The following SLC25A36 variants were observed in gnomAD, a reference collection of about 807,000 sequenced individuals.
SLC25A36 encodes solute carrier family 25 member 36, also known as epididymis secretory sperm binding protein.
Under a neutral mutation model 35.3 loss-of-function variants are expected in SLC25A36, and 24 were observed. The ratio of observed to expected loss-of-function variants is 0.68; its 90% confidence interval spans 0.49 to 0.96. The LOEUF (loss-of-function observed/expected upper bound fraction) is 0.96, where lower values mean the gene tolerates loss of function less well. Ranked by LOEUF, SLC25A36 falls within the 40% of genes least tolerant of loss-of-function variation. The pLI is 0.00. For missense variants in SLC25A36, 294 were observed against 381.1 expected, an observed-to-expected ratio of 0.77 and a Z score of 1.90; for synonymous variants, 141 against 132.2, an observed-to-expected ratio of 1.07 and a Z score of -0.46.
At chr3:140,966,996 G>T (rs1219517840) in intron 4 of SLC25A36, 1 of 456,148 alleles carries the variant, frequency 2.2e-6, no homozygotes, top group South Asian at 1.5e-5. Context: ...CTCCCCATCC[G>T]CAGGTCACTT....
At position 140,946,163 on chromosome 3, in the gene SLC25A36, G is replaced by A. The variant is rs138405819; in HGVS notation, c.41+4068G>A. On this transcript the variant is annotated intron_variant, in intron 1 of 6. Coordinates refer to ENST00000324194, the MANE Select transcript of SLC25A36 (RefSeq NM_001104647.3). The stretch of plus-strand genomic sequence containing the variant: ...TAGTAATTGTTATCATTAACTAGAA[G>A]GCATTAAGTGCTGTGGGAAAAAAAA... Among the ~76,000 whole-genome samples the A allele has an allele frequency of 5.6e-4, 85 of 152,216 alleles. 1 individual carries two copies. In the East Asian group the frequency reaches 0.015, roughly 27 times the overall value.
In SLC25A36 at chr3:140,963,197, C is replaced by G; in HGVS notation, c.355C>G (p.Gln119Glu). The G allele has an allele frequency of 6.3e-7, 1 of 1,590,472 alleles. No homozygotes were observed. The highest frequency in any genetic ancestry group is 8.5e-7 in the Non-Finnish European group (1 of 1,173,618). The stretch of plus-strand genomic sequence containing the variant: ...TGATGTATTTGATCCTGATTCTACC[C>G]AAGTACATATGATTTCAGCTGCAAT... ...LNDVFDPDST[Q>E]VHMISAAMAG... The change falls in exon 4 of 7, where the codon CAA becomes GAA. Residue 119 changes from glutamine to glutamate, a missense_variant. By Grantham distance (29) the Gln-to-Glu change is conservative. Coordinates refer to ENST00000324194, the MANE Select transcript of SLC25A36 (RefSeq NM_001104647.3).
chr3:140,954,149 AT>A (rs894627095), intron 1 of SLC25A36, among the ~76,000 whole-genome samples: 6 of 152,074 alleles, frequency 3.9e-5, no homozygotes, highest in Non-Finnish European at 7.4e-5. Context: ...GAGGGGGATA[AT>A]TTTTTTAACG....
At chr3:140,946,851 G>A (rs974402020) in intron 1 of SLC25A36, among the ~76,000 whole-genome samples, 2 of 152,186 alleles carry the variant, frequency 1.3e-5, no homozygotes, top group African/African-American at 2.4e-5. Flanking sequence ...CTAGCCTGGA[G>A]TCCAGGAAAG....
rs1935053779 is a variant in SLC25A36 at position 140,976,597 on chromosome 3, A to G, written c.*144A>G. On this transcript the variant is annotated 3_prime_UTR_variant, in exon 7 of 7. Coordinates refer to ENST00000324194, the MANE Select transcript of SLC25A36 (RefSeq NM_001104647.3). Reference sequence around the variant, plus strand: ...AAGTGGAAGTTTTGTTGTAGGAATTATAGTAATCACACCACATTACTTGGC... The same window carrying G: ...AAGTGGAAGTTTTGTTGTAGGAATTGTAGTAATCACACCACATTACTTGGC... 3.5e-6 allele frequency: 2 copies of G among 570,634 alleles called. No individual in the cohort carries two copies. Among genetic ancestry groups the G allele is most frequent in the South Asian group, 3.9e-5 (1 of 25,326 alleles). 35.3% of individuals were successfully genotyped at this position (570,634 alleles called of 1,614,324 possible). A position where few individuals can be genotyped will look rare whatever the true frequency, so the allele number is the denominator to read the frequency against.
At chr3:140,975,333 C>G (rs1159197263) in intron 6 of SLC25A36, among the ~76,000 whole-genome samples, 1 of 151,806 alleles carries the variant, frequency 6.6e-6, no homozygotes, top group African/African-American at 2.4e-5. Flanking sequence ...GTCTCAAACT[C>G]TGGGCTCAAG....
chr3:140,955,782 C>T (rs1243865038), intron 1 of SLC25A36, among the ~76,000 whole-genome samples: 1 of 152,124 alleles, frequency 6.6e-6, no homozygotes, highest in East Asian at 1.9e-4. Context: ...GCCCTGAACT[C>T]CTATGCTCAC....
At chr3:140,951,493 A>T (rs1319703695) in intron 1 of SLC25A36, among the ~76,000 whole-genome samples, 1 of 151,918 alleles carries the variant, frequency 6.6e-6, no homozygotes, top group Non-Finnish European at 1.5e-5. Context: ...TTATTTATTT[A>T]TTTTTTGAGA....
chr3:140,976,017 CTT>C (rs1935034432), intron 6 of SLC25A36, among the ~76,000 whole-genome samples: 1 of 152,082 alleles, frequency 6.6e-6, no homozygotes, highest in Non-Finnish European at 1.5e-5. Flanking sequence ...ATACTTCTCT[CTT>C]GTTATATTGT....
chr3:140,967,051 G>C, intron 4 of SLC25A36: 1 of 456,026 alleles, frequency 2.2e-6, no homozygotes, highest in Non-Finnish European at 4.4e-6. Flanking sequence ...GTACTGATCT[G>C]AGCATCTCTT....
chr3:140,966,332 G>GT (rs1365931853), intron 4 of SLC25A36: 1 of 328,026 alleles, frequency 3.0e-6, no homozygotes, highest in South Asian at 2.5e-5. Context: ...CATTCTTCCT[G>GT]TTTTTTGTTT....
intron 5 of SLC25A36, among the ~76,000 whole-genome samples, chr3:140,973,457 A>G (rs1934957682): frequency 6.6e-6 from 1 of 152,182 alleles, no homozygotes; most frequent in Admixed American, 6.6e-5. Flanking sequence ...CTGCCATGTG[A>G]ACCCCAATGA....
rs3830548 is a variant in SLC25A36, at chr3:140,980,710, A to AATAT, written c.*4263_*4266dup. On this transcript the variant is annotated 3_prime_UTR_variant, in exon 7 of 7. Coordinates refer to ENST00000324194, the MANE Select transcript of SLC25A36 (RefSeq NM_001104647.3). ...GTTCCCCCTGCCCCCCCCCCCTTTT[A>AATAT]ATATATATACACGGAGCTTCACTCT... Among the ~76,000 whole-genome samples the AATAT allele has an allele frequency of 1.5e-3, 179 of 120,284 alleles. 4 individuals carry two copies. Among genetic ancestry groups the AATAT allele is most frequent in the Middle Eastern group, 7.2e-3 (2 of 276 alleles). 78.9% of individuals were successfully genotyped at this position (120,284 alleles called of 152,430 possible).
rs1935073025 is a variant in SLC25A36, at chr3:140,977,290, G to C, written c.*837G>C. On this transcript the variant is annotated 3_prime_UTR_variant, in exon 7 of 7. Coordinates refer to ENST00000324194, the MANE Select transcript of SLC25A36 (RefSeq NM_001104647.3). ...CATACTTAAGTATCATTTACATAAA[G>C]TGTAAAAGATTTTTTCACTTTTGAA... 1 of 152,052 alleles carries C rather than the reference G, an allele frequency of 6.6e-6. No individual in the cohort carries two copies. Among genetic ancestry groups the C allele is most frequent in the Non-Finnish European group, 1.5e-5 (1 of 68,006 alleles). The allele number at this position is 152,052 out of a possible 1,614,324, so 9.4% of individuals were successfully genotyped here.
chr3:140,963,200 G>A lies in SLC25A36; in HGVS notation c.358G>A (p.Val120Ile), dbSNP rs747823228. ...NDVFDPDSTQ[V>I]HMISAAMAGF... The stretch of plus-strand genomic sequence containing the variant: ...TGTATTTGATCCTGATTCTACCCAA[G>A]TACATATGATTTCAGCTGCAATGGC... Residue 120 changes from valine to isoleucine, a missense_variant, in exon 4 of 7, where the codon GTA becomes ATA. Val to Ile is a conservative substitution (Grantham distance 29). Coordinates refer to ENST00000324194, the MANE Select transcript of SLC25A36 (RefSeq NM_001104647.3). The A allele has an allele frequency of 1.3e-6, 2 of 1,586,786 alleles. No individual in the cohort carries two copies. The highest frequency in any genetic ancestry group is 2.3e-5 in the South Asian group (2 of 85,942).
intron 1 of SLC25A36, among the ~76,000 whole-genome samples, chr3:140,950,918 CTGTGTGTG>C (rs373375551): frequency 6.6e-5 from 9 of 136,376 alleles, no homozygotes; most frequent in Admixed American, 6.0e-4. Flanking sequence ...GTCTGTGTGT[CTGTGTGTG>C]TGTGTGTGTG....
intron 4 of SLC25A36, chr3:140,966,083 G>A (rs1934750866): frequency 1.3e-5 from 2 of 151,928 alleles, no homozygotes; most frequent in African/African-American, 4.8e-5. Flanking sequence ...TACTAATAAT[G>A]TAATCATTGA....
Position 140,976,430 on chromosome 3 carries a change from G to A in SLC25A36, c.913G>A (p.Val305Met). 8 of 1,612,706 alleles carry A rather than the reference G, an allele frequency of 5.0e-6. No homozygotes were observed. Among genetic ancestry groups the A allele is most frequent in the Non-Finnish European group, 6.8e-6 (8 of 1,179,570 alleles). ...TAIMMATYEL[V>M]VYLLNG The stretch of plus-strand genomic sequence containing the variant: ...CATTATGATGGCCACCTATGAATTG[G>A]TGGTTTACCTACTCAATGGATAGCA... The change falls in exon 7 of 7, where the codon GTG (valine) becomes ATG (methionine). Residue 305 changes from valine to methionine, a missense_variant. Physicochemically the swap from Val to Met is conservative, Grantham distance 21. Around this residue, in one of 2 missense-constraint regions of SLC25A36, gnomAD observed 109 missense variants for 179.7 expected, o/e 0.61. Transcript: ENST00000324194.
intron 5 of SLC25A36, among the ~76,000 whole-genome samples, chr3:140,972,511 C>T (rs1559817261): frequency 6.6e-6 from 1 of 151,678 alleles, no homozygotes; most frequent in Non-Finnish European, 1.5e-5. Flanking sequence ...AAATGCATGC[C>T]TATAATCCTA....
Sources: allele counts gnomAD v4.1 joint callset (sites outside exome capture counted in the v4.1 genomes callset), GRCh38; gene constraint gnomAD v4.1.1; regional missense constraint gnomAD v4.1.1; transcripts MANE v1.5; gene names NCBI Gene and HGNC (gene_info 2026-07-23, HGNC 2026-07-21).